Variants in SNX4 observed in about 807,000 individuals in gnomAD.
The protein encoded by SNX4 is sorting nexin-4.
Under a neutral mutation model 70.8 loss-of-function variants are expected in SNX4, and 49 were observed. The ratio of observed to expected loss-of-function variants is 0.69; its 90% CI spans 0.55 to 0.88. The LOEUF (loss-of-function observed/expected upper bound fraction) is 0.88, where lower values mean the gene tolerates loss of function less well. Among genes scored for constraint, SNX4 ranks in the 40% least tolerant of loss-of-function variants. The pLI is 0.00. For synonymous variants in SNX4, 206 were observed against 183.8 expected, an observed-to-expected ratio of 1.12 and a Z score of -0.98; for missense variants, 528 against 544.8, an observed-to-expected ratio of 0.97 and a Z score of 0.31.
Position 125,520,064 on chromosome 3 carries a change from C to G in SNX4, c.109G>C (p.Gly37Arg), listed in dbSNP as rs1935374508. The G allele has an allele frequency of 1.3e-6, 2 of 1,556,106 alleles. No homozygotes were observed. Among genetic ancestry groups the G allele is most frequent in the East Asian group, 2.7e-5 (1 of 37,406 alleles). The change falls in exon 1 of 14, where the codon GGG becomes CGG. Residue 37 changes from glycine (G) to arginine (R), a missense_variant. Transcript: ENST00000251775. Reference protein sequence around the residue: ...LGAAVGKEAEGAGEESSGVDT... With the variant: ...LGAAVGKEAERAGEESSGVDT... ...ACCCCAGAGCTCTCTTCTCCGGCCCCCTCCGCTTCCTTGCCGACCGCAGCC... is the reference window on the plus strand; with the variant it reads ...ACCCCAGAGCTCTCTTCTCCGGCCCGCTCCGCTTCCTTGCCGACCGCAGCC...
At chr3:125,502,028 C>T (rs1934940114) in intron 2 of SNX4, among the ~76,000 whole-genome samples, 1 of 152,142 alleles carries the variant, frequency 6.6e-6, no homozygotes, top group Admixed American at 6.5e-5. Flanking sequence ...TCTCTCCTAG[C>T]AGTAAAAGTA....
In SNX4 at chr3:125,447,808, T is replaced by C. The variant is rs1231535478; in HGVS notation, c.1324A>G (p.Asn442Asp). 6.3e-7 allele frequency: 1 copy of C among 1,592,128 alleles called. No individual in the cohort carries two copies. Among genetic ancestry groups the C allele is most frequent in the Admixed American group, 1.8e-5 (1 of 56,080 alleles). The change falls in exon 14 of 14, where the codon AAT (asparagine) becomes GAT (aspartate). Residue 442 changes from asparagine to aspartate, a missense_variant. By Grantham distance (23) the Asn-to-Asp change is conservative (BLOSUM62 1). Coordinates refer to ENST00000251775, the MANE Select transcript of SNX4 (RefSeq NM_003794.4). ...MCKKGIQVWT[N>D]AKECFSKM is the part of the protein sequence containing the mutation. ...ATCTTGCTAAAGCATTCCTTAGCAT[T>C]GGTCCAAACTTGAATTCCCTAAAAA...
chr3:125,509,720 T>G (rs1375754350), intron 1 of SNX4, among the ~76,000 whole-genome samples: 1 of 117,486 alleles, frequency 8.5e-6, no homozygotes, highest in East Asian at 2.7e-4. Context: ...GCCACTGCAC[T>G]CCAGCCTAGG....
In SNX4 at chr3:125,455,265, C is replaced by T. The variant is rs1396666382; in HGVS notation, c.1045-1310G>A. Among the ~76,000 whole-genome samples the T allele has an allele frequency of 5.3e-5, 8 of 152,182 alleles. No individual in the cohort carries two copies. In the South Asian group the frequency reaches 6.2e-4, roughly 12 times the overall value. ...TTCATAATCAAATGGAAAACTTCCA[C>T]GTGAAATATTAGACGTTATTTCTTA... is the stretch of plus-strand genomic sequence containing the variant. On this transcript the variant is annotated intron_variant, in intron 11 of 13. Transcript: ENST00000251775.
chr3:125,507,969 T>G (rs1368918634), intron 1 of SNX4, among the ~76,000 whole-genome samples: 1 of 152,080 alleles, frequency 6.6e-6, no homozygotes, highest in Non-Finnish European at 1.5e-5. Context: ...TAAGTCCATT[T>G]ACAATAGCAT....
chr3:125,487,516 A>G (rs1424563269), intron 6 of SNX4, among the ~76,000 whole-genome samples: 1 of 152,192 alleles, frequency 6.6e-6, no homozygotes, highest in East Asian at 1.9e-4. Flanking sequence ...TATTATCAAA[A>G]TATCAATCAA....
rs756242848 is a variant in SNX4, at chr3:125,495,079, AG to A, written c.597+2261del. On this transcript the variant is annotated intron_variant, in intron 5 of 13. Coordinates refer to ENST00000251775, the MANE Select transcript of SNX4 (RefSeq NM_003794.4). ...ATAATAAAATTAATGGGTCTGCTACAGGAAGACCAAAGTATAGTAGTAAAGT... is the reference window on the plus strand; with the variant it reads ...ATAATAAAATTAATGGGTCTGCTACAGAAGACCAAAGTATAGTAGTAAAGT... Among the ~76,000 whole-genome samples the A allele has an allele frequency of 2.0e-5, 3 of 151,896 alleles. No individual in the cohort carries two copies. The East Asian group carries it at 5.8e-4, about 29-fold the overall frequency.
At chr3:125,458,861 T>C (rs1579975341) in intron 10 of SNX4, among the ~76,000 whole-genome samples, 1 of 93,430 alleles carries the variant, frequency 1.1e-5, no homozygotes, top group Non-Finnish European at 2.0e-5. Flanking sequence ...GAAAAGATTC[T>C]AATACAGCAA....
At chr3:125,465,808 A>G (rs1226145921) in intron 9 of SNX4, among the ~76,000 whole-genome samples, 25 of 151,902 alleles carry the variant, frequency 1.6e-4, no homozygotes, top group Admixed American at 1.6e-3. Flanking sequence ...ACACCCGGCT[A>G]ATTTTTGTAT....
chr3:125,497,302 T>G, intron 5 of SNX4, 39 bp downstream of exon 5: 1 of 1,419,096 alleles, frequency 7.0e-7, no homozygotes, highest in Non-Finnish European at 9.9e-7. Flanking sequence ...TGCTGGGAAC[T>G]GTAAAGGAAC....
chr3:125,469,649 T>G, intron 8 of SNX4, 130 bp from the exon 9 acceptor site: 1 of 637,314 alleles, frequency 1.6e-6, no homozygotes, highest in Non-Finnish European at 2.7e-6. Context: ...TGGGTTTATT[T>G]TGTATAACTC....
intron 10 of SNX4, among the ~76,000 whole-genome samples, chr3:125,459,407 T>C (rs1933816748): frequency 6.6e-6 from 1 of 152,114 alleles, no homozygotes; most frequent in Non-Finnish European, 1.5e-5. Flanking sequence ...CTTTTATAAT[T>C]TTTAAGAGCT....
At chr3:125,452,016 T>TAAC (rs1165481613) in intron 12 of SNX4, among the ~76,000 whole-genome samples, 5 of 152,126 alleles carry the variant, frequency 3.3e-5, no homozygotes, top group Admixed American at 3.3e-4. Context: ...CTCACAAACC[T>TAAC]AACAGGTGTC....
At chr3:125,482,545 C>A (rs1934436014) in intron 6 of SNX4, among the ~76,000 whole-genome samples, 1 of 151,954 alleles carries the variant, frequency 6.6e-6, no homozygotes, top group African/African-American at 2.4e-5. Flanking sequence ...GCCTCCTAGC[C>A]CACTCCCACA....
At chr3:125,501,909 T>C (rs930123764) in intron 2 of SNX4, among the ~76,000 whole-genome samples, 7 of 152,204 alleles carry the variant, frequency 4.6e-5, no homozygotes, top group Non-Finnish European at 1.0e-4. Flanking sequence ...CACTTCTAAC[T>C]CCCAGGTTCA....
At position 125,495,250 on chromosome 3, in the gene SNX4, TTATATATATA is replaced by T. The variant is rs759787193; in HGVS notation, c.597+2081_597+2090del. Among the ~76,000 whole-genome samples the T allele has an allele frequency of 1.8e-3, 69 of 38,158 alleles. 10 individuals are homozygous for T. The highest frequency in any genetic ancestry group is 1.1e-3 in the Non-Finnish European group (18 of 16,254). 25.0% of individuals were successfully genotyped at this position (38,158 alleles called of 152,430 possible). On this transcript the variant is annotated intron_variant, in intron 5 of 13. Transcript: ENST00000251775. ...GAAATGTGATACACTCATTCTCTCT[TTATATATATA>T]TATATATATATATATATACACATAC...
At chr3:125,518,404 G>C (rs1170085833) in intron 1 of SNX4, among the ~76,000 whole-genome samples, 1 of 152,122 alleles carries the variant, frequency 6.6e-6, no homozygotes, top group East Asian at 1.9e-4. Context: ...CAAGGTTGCA[G>C]TGAGCCATGA....
rs762692302 is a variant in SNX4 at position 125,520,067 on chromosome 3, C to A, written c.106G>T (p.Glu36Ter). ...CCAGAGCTCTCTTCTCCGGCCCCCT[C>A]CGCTTCCTTGCCGACCGCAGCCCCC... is the stretch of plus-strand genomic sequence containing the variant. ...GLGAAVGKEA[E>*]GAGEESSGVD... Residue 36 changes from glutamate (E) to a stop codon, truncating the protein, a stop_gained, in exon 1 of 14, where the codon GAG becomes TAG. Transcript: ENST00000251775. LOFTEE classifies it high-confidence loss of function. 3.0e-5 allele frequency: 47 copies of A among 1,555,518 alleles called. No homozygotes were observed. The highest frequency in any genetic ancestry group is 3.9e-5 in the Non-Finnish European group (45 of 1,154,306).
chr3:125,451,906 G>A (rs1013768988), intron 12 of SNX4, among the ~76,000 whole-genome samples: 4 of 152,040 alleles, frequency 2.6e-5, no homozygotes, highest in South Asian at 2.1e-4. Flanking sequence ...GGATTACAGC[G>A]TGAGCCGCTG....
Sources: allele counts gnomAD v4.1 joint callset (sites outside exome capture counted in the v4.1 genomes callset), GRCh38; gene constraint gnomAD v4.1.1; transcripts MANE v1.5; gene names NCBI Gene and HGNC (gene_info 2026-07-23, HGNC 2026-07-21).